Variants in LY6S observed in about 807,000 individuals in gnomAD.
The protein encoded by LY6S is lymphocyte antigen 6S.
the LY6S span, chr8:143,042,950 C>A: frequency 7.7e-7 from 1 of 1,303,242 alleles, no homozygotes; most frequent in Non-Finnish European, 1.0e-6. Context: ...GGATATGTTC[C>A]CTGACAGGGA....
chr8:143,043,572 C>T, the LY6S span, among the ~76,000 whole-genome samples: 1 of 152,212 alleles, frequency 6.6e-6, no homozygotes, highest in Non-Finnish European at 1.5e-5. Context: ...AGCCCTCACC[C>T]TGCCCCGGCC....
At chr8:143,047,140 G>T in the LY6S span, among the ~76,000 whole-genome samples, 1 of 107,944 alleles carries the variant, frequency 9.3e-6, no homozygotes, top group African/African-American at 3.7e-5. Context: ...TATGGTAGGG[G>T]CTTGATTTTT....
the LY6S span, chr8:143,066,506 A>G: frequency 1.1e-5 from 3 of 270,284 alleles, no homozygotes; most frequent in Non-Finnish European, 2.2e-5. Context: ...GCCACACATC[A>G]GGCACCATTC....
the LY6S span, among the ~76,000 whole-genome samples, chr8:143,076,339 C>T: frequency 6.6e-6 from 1 of 152,202 alleles, no homozygotes. Flanking sequence ...CTCTGGGGTG[C>T]CACTGTTGTT....
At chr8:143,046,801 A>C in the LY6S span, among the ~76,000 whole-genome samples, 45 of 151,976 alleles carry the variant, frequency 3.0e-4, no homozygotes, top group African/African-American at 9.7e-4. Context: ...GGAGTTCGAG[A>C]TCGGCCTGGT....
the LY6S span, chr8:143,066,140 A>G: frequency 4.7e-6 from 1 of 213,256 alleles, no homozygotes; most frequent in South Asian, 3.4e-5. Flanking sequence ...TGATGTTTCC[A>G]ATGATGAATT....
chr8:143,046,434 A>G, the LY6S span, among the ~76,000 whole-genome samples: 1 of 152,018 alleles, frequency 6.6e-6, no homozygotes, highest in Non-Finnish European at 1.5e-5. Context: ...AAAAATTAGC[A>G]GGGCGTGGTG....
At chr8:143,057,836 C>T in the LY6S span, 1 of 744,808 alleles carries the variant, frequency 1.3e-6, no homozygotes, top group Non-Finnish European at 2.5e-6. Context: ...TTTTCGGCTC[C>T]TGCAGCTGGC....
the LY6S span, among the ~76,000 whole-genome samples, chr8:143,050,486 A>C: frequency 6.6e-6 from 1 of 151,692 alleles, no homozygotes; most frequent in Non-Finnish European, 1.5e-5. Flanking sequence ...CGGCCCCAAA[A>C]CCTGACTTTC....
At chr8:143,072,206 T>TTGAGAAGACAGCCAGTGTC in the LY6S span, among the ~76,000 whole-genome samples, 1 of 124,894 alleles carries the variant, frequency 8.0e-6, no homozygotes, top group African/African-American at 3.0e-5. Context: ...CAGCCGTCAT[T>TTGAGAAGACAGCCAGTGTC]CTGGGGGTTC....
the LY6S span, chr8:143,057,745 G>C: frequency 1.3e-6 from 1 of 788,808 alleles, no homozygotes; most frequent in East Asian, 2.4e-5. Flanking sequence ...TAATCACTGT[G>C]TCGATCTGAT....
At chr8:143,041,203 C>T in the LY6S span, among the ~76,000 whole-genome samples, 19 of 152,262 alleles carry the variant, frequency 1.2e-4, no homozygotes, top group Non-Finnish European at 1.0e-4. Flanking sequence ...GGGAGCACTG[C>T]GGGAGACTGG....
At chr8:143,062,837 C>G in the LY6S span, among the ~76,000 whole-genome samples, 1 of 151,760 alleles carries the variant, frequency 6.6e-6, no homozygotes, top group African/African-American at 2.4e-5. Flanking sequence ...ATGATGATGT[C>G]AAAATTCGCC....
chr8:143,071,090 C>A, the LY6S span, among the ~76,000 whole-genome samples: 1 of 151,182 alleles, frequency 6.6e-6, no homozygotes, highest in Non-Finnish European at 1.5e-5. Context: ...GCATGGCTGG[C>A]GGAAGACCCG....
At chr8:143,046,655 CT>C in the LY6S span, among the ~76,000 whole-genome samples, 1 of 151,706 alleles carries the variant, frequency 6.6e-6, no homozygotes, top group Admixed American at 6.6e-5. Flanking sequence ...GCTAACTTGC[CT>C]TTGCTCAGGT....
At chr8:143,074,001 C>T in the LY6S span, among the ~76,000 whole-genome samples, 3 of 152,098 alleles carry the variant, frequency 2.0e-5, no homozygotes, top group Non-Finnish European at 2.9e-5. Flanking sequence ...GAGGAGACAG[C>T]CGTCGTCCCC....
chr8:143,067,919 T>C, the LY6S span, among the ~76,000 whole-genome samples: 1 of 152,296 alleles, frequency 6.6e-6, no homozygotes, highest in Non-Finnish European at 1.5e-5. Flanking sequence ...GAACTAACGG[T>C]CAGCTTTACA....
At chr8:143,054,889 T>A in the LY6S span, among the ~76,000 whole-genome samples, 1 of 152,312 alleles carries the variant, frequency 6.6e-6, no homozygotes, top group East Asian at 1.9e-4. Flanking sequence ...GCAGAGGGCC[T>A]CATGAGTCTT....
At chr8:143,071,773 C>G in the LY6S span, among the ~76,000 whole-genome samples, 2 of 152,148 alleles carry the variant, frequency 1.3e-5, no homozygotes, top group Non-Finnish European at 2.9e-5. Context: ...CGTCTACGCA[C>G]GTGCCCGGCT....
Sources: allele counts gnomAD v4.1 joint callset (sites outside exome capture counted in the v4.1 genomes callset), GRCh38; gene constraint gnomAD v4.1.1; transcripts MANE v1.5; gene names NCBI Gene and HGNC (gene_info 2026-07-23, HGNC 2026-07-21).